The following TRPC5 variants were observed in gnomAD, a reference collection of about 807,000 sequenced individuals.
The protein encoded by TRPC5 is transient receptor potential cation channel subfamily C member 5, also known as short transient receptor potential channel 5.
A neutral mutation model predicts 56.5 loss-of-function variants in TRPC5; 9 were observed. The ratio of observed to expected loss-of-function variants is 0.16; its 90% CI spans 0.10 to 0.28. The LOEUF (loss-of-function observed/expected upper bound fraction) is 0.28, where lower values mean the gene tolerates loss of function less well. Among genes scored for constraint, TRPC5 ranks in the 10% least tolerant of loss-of-function variants. TRPC5 has a pLI of 1.00. For synonymous variants in TRPC5, 282 were observed against 278.5 expected (o/e 1.01, Z -0.13); for missense variants, 469 against 748.9 (o/e 0.63, Z 4.36).
chrX:111,998,871 A>G lies in TRPC5; in HGVS notation c.-21-46430T>C, dbSNP rs1189606011. On this transcript the variant is annotated intron_variant, in intron 1 of 10. Transcript: ENST00000262839. Reference sequence around the variant, plus strand: ...AAAAAAATCAAGGGTTAATTGTACAATGAATTGTTAATTATATATAGTCTC... The same window carrying G: ...AAAAAAATCAAGGGTTAATTGTACAGTGAATTGTTAATTATATATAGTCTC... Among the ~76,000 whole-genome samples, 2 of 112,400 alleles carry G rather than the reference A, an allele frequency of 1.8e-5. 1 individual carries two copies. The highest frequency in any genetic ancestry group is 7.3e-4 in the South Asian group (2 of 2,746).
chrX:111,809,854 A>C (rs781654646), intron 7 of TRPC5, among the ~76,000 whole-genome samples: 1 of 107,023 alleles, frequency 9.3e-6, no homozygotes, highest in East Asian at 2.9e-4. Context: ...ATTATTAACT[A>C]TGGTCACCAT....
intron 3 of TRPC5, among the ~76,000 whole-genome samples, chrX:111,893,722 TCTTTC>T (rs1195432768): frequency 1.8e-5 from 2 of 112,081 alleles, no homozygotes; most frequent in African/African-American, 6.5e-5. Context: ...GCTGCACAAT[TCTTTC>T]CTTTCTTTCT....
intron 7 of TRPC5, among the ~76,000 whole-genome samples, chrX:111,784,920 C>T (rs1468579223): frequency 1.8e-5 from 2 of 112,411 alleles, no homozygotes; most frequent in Admixed American, 9.4e-5. Flanking sequence ...CCAGGAAGCT[C>T]GAACTGGGGG....
intron 7 of TRPC5, among the ~76,000 whole-genome samples, chrX:111,833,262 C>T (rs927703737): frequency 9.9e-5 from 11 of 111,229 alleles, no homozygotes; most frequent in African/African-American, 2.9e-4. Context: ...TGTAGGCACC[C>T]GGACACATAG....
Position 111,958,196 on chromosome X carries a change from T to C in TRPC5, c.-21-5755A>G, listed in dbSNP as rs1050361898. Among the ~76,000 whole-genome samples the C allele has an allele frequency of 3.6e-5, 4 of 111,959 alleles. No individual in the cohort carries two copies. In the Admixed American group the frequency reaches 3.8e-4, roughly 11 times the overall value. On this transcript the variant is annotated intron_variant, in intron 1 of 10. Transcript: ENST00000262839. ...GCACATTTTCCTTCCTATTGTATAGTTTCAGAACAAATGTCCTCTCTTCAG... is the reference window on the plus strand; with the variant it reads ...GCACATTTTCCTTCCTATTGTATAGCTTCAGAACAAATGTCCTCTCTTCAG...
At chrX:111,781,275 A>T (rs1361061281) in intron 8 of TRPC5, 69 bp from the exon 9 acceptor site, 20 of 975,439 alleles carry the variant, frequency 2.1e-5, no homozygotes, top group Non-Finnish European at 2.8e-5. Context: ...CAAACATCTG[A>T]ATATAATTAT....
rs534660293 is a variant in TRPC5, at chrX:111,992,588, C to CATTATTATT, written c.-21-40156_-21-40148dup. Among the ~76,000 whole-genome samples, 99 of 104,968 alleles carry CATTATTATT rather than the reference C, an allele frequency of 9.4e-4. 1 individual carries two copies. Among genetic ancestry groups the CATTATTATT allele is most frequent in the African/African-American group, 3.1e-3 (87 of 27,895 alleles). The allele number at this position is 104,968 out of a possible 115,157, so 91.2% of individuals were successfully genotyped here. On this transcript the variant is annotated intron_variant, in intron 1 of 10. Transcript: ENST00000262839. ...GAAATATGGGAATTGTTTTTTAAAACATTATTATTATTATTATTATTATTA... is the reference window on the plus strand; with the variant it reads ...GAAATATGGGAATTGTTTTTTAAAACATTATTATTATTATTATTATTATTATTATTATTA...
chrX:111,849,301 C>T (rs1395600485), intron 5 of TRPC5, among the ~76,000 whole-genome samples: 1 of 112,119 alleles, frequency 8.9e-6, no homozygotes, highest in Non-Finnish European at 1.9e-5. Flanking sequence ...ATACTTTGCA[C>T]CTTTGGAGAA....
chrX:111,812,119 T>C (rs1157176754), intron 7 of TRPC5, among the ~76,000 whole-genome samples: 1 of 110,817 alleles, frequency 9.0e-6, no homozygotes, highest in East Asian at 2.8e-4. Context: ...CCGGTGGTTT[T>C]TTTTTTTTAA....
intron 2 of TRPC5, among the ~76,000 whole-genome samples, chrX:111,951,379 G>T (rs1927082280): frequency 8.9e-6 from 1 of 112,028 alleles, no homozygotes; most frequent in African/African-American, 3.2e-5. Context: ...AGGAGAGAAA[G>T]TATATGAAAG....
In TRPC5 at chrX:112,015,440, A is replaced by G. The variant is rs145123416; in HGVS notation, c.-21-62999T>C. ...TGCTTTCTTACCTAGGCTGGTTTCA[A>G]ACTCCTGGCCTCAAGTTATCTTCCC... On this transcript the variant is annotated intron_variant, in intron 1 of 10. Transcript: ENST00000262839. Among the ~76,000 whole-genome samples the G allele has an allele frequency of 3.2e-3, 348 of 110,368 alleles. 3 individuals carry two copies. Among genetic ancestry groups the G allele is most frequent in the African/African-American group, 0.011 (323 of 30,315 alleles).
At chrX:111,875,572 C>CTTTTTTTTTTTTTT (rs771241425) in intron 3 of TRPC5, among the ~76,000 whole-genome samples, 13 of 70,457 alleles carry the variant, frequency 1.8e-4, no homozygotes, top group African/African-American at 7.5e-4. Context: ...TTTTTTCTTT[C>CTTTTTTTTTTTTTT]TTTTTTTTTT....
chrX:111,951,067 C>T lies in TRPC5; in HGVS notation c.378+976G>A, dbSNP rs147010547. On this transcript the variant is annotated intron_variant, in intron 2 of 10. Transcript: ENST00000262839. ...ATGCCTTATTCTTGGGATATTATTG[C>T]TCGGGATTTGAGAGAGGGGAACATG... Among the ~76,000 whole-genome samples the T allele has an allele frequency of 2.3e-3, 258 of 111,408 alleles. 1 individual carries two copies. Among genetic ancestry groups the T allele is most frequent in the African/African-American group, 7.8e-3 (240 of 30,708 alleles).
intron 7 of TRPC5, among the ~76,000 whole-genome samples, chrX:111,802,862 TTATG>T (rs1921362882): frequency 9.0e-6 from 1 of 111,391 alleles, no homozygotes; most frequent in Non-Finnish European, 1.9e-5. Context: ...ATTCATTTAT[TTATG>T]TATTTTTTTA....
At chrX:111,887,258 T>A (rs967620927) in intron 3 of TRPC5, among the ~76,000 whole-genome samples, 2 of 112,799 alleles carry the variant, frequency 1.8e-5, no homozygotes, top group African/African-American at 6.4e-5. Flanking sequence ...AAATAATTTA[T>A]TCCACTAAGT....
chrX:111,951,218 T>C (rs1041211954), intron 2 of TRPC5, among the ~76,000 whole-genome samples: 1 of 111,650 alleles, frequency 9.0e-6, no homozygotes, highest in Non-Finnish European at 1.9e-5. Context: ...TCTGATTCAA[T>C]AGGGCTGTGG....
chrX:111,917,215 T>C (rs1324921981), intron 2 of TRPC5, among the ~76,000 whole-genome samples: 1 of 112,306 alleles, frequency 8.9e-6, no homozygotes, highest in Non-Finnish European at 1.9e-5. Flanking sequence ...CAATATGACA[T>C]CCTGGAACAT....
At chrX:111,874,938 C>T (rs1923876413) in intron 3 of TRPC5, among the ~76,000 whole-genome samples, 1 of 112,174 alleles carries the variant, frequency 8.9e-6, no homozygotes, top group Non-Finnish European at 1.9e-5. Context: ...AGTTCTGGGC[C>T]CTGCTGTAAC....
chrX:111,856,559 T>TAAG (rs1347886395), intron 3 of TRPC5, among the ~76,000 whole-genome samples: 1 of 103,228 alleles, frequency 9.7e-6, no homozygotes, highest in Non-Finnish European at 2.0e-5. Context: ...ATAATAATAA[T>TAAG]AATAATAATA....
Sources: gnomAD v4.1 joint callset for allele counts (sites outside exome capture counted in the v4.1 genomes callset) on GRCh38, gnomAD v4.1.1 for gene constraint, MANE v1.5 for transcripts, NCBI Gene and HGNC (gene_info 2026-07-23, HGNC 2026-07-21) for gene names.